Variants in IQCJ observed in about 807,000 individuals in gnomAD.
IQCJ encodes IQ motif containing J, also known as IQ domain-containing protein J.
In IQCJ, 9 loss-of-function variants were observed where a neutral mutation model predicts 11.0. That is an observed-to-expected ratio of 0.82 (90% CI 0.49 to 1.43). The LOEUF is 1.43. Among genes scored for constraint, IQCJ ranks in the 40% most tolerant of loss-of-function variants. The pLI is 0.00. For missense variants in IQCJ, 146 were observed against 133.2 expected, an observed-to-expected ratio of 1.10 and a Z score of -0.47; for synonymous variants, 55 against 51.3, an observed-to-expected ratio of 1.07 and a Z score of -0.31.
At chr3:159,249,501 C>A (rs1025561391) in intron 2 of IQCJ, among the ~76,000 whole-genome samples, 1 of 152,112 alleles carries the variant, frequency 6.6e-6, no homozygotes, top group Non-Finnish European at 1.5e-5. Context: ...TCATGCTTGT[C>A]CAGGACAGAG....
At chr3:159,069,650 A>G (rs1021475209) in intron 1 of IQCJ, 5 of 650,822 alleles carry the variant, frequency 7.7e-6, no homozygotes, top group East Asian at 2.8e-5. Context: ...TGTATTATTT[A>G]TGTATACATG....
chr3:159,110,355 C>G (rs1718548268), intron 1 of IQCJ, among the ~76,000 whole-genome samples: 1 of 152,226 alleles, frequency 6.6e-6, no homozygotes, highest in Non-Finnish European at 1.5e-5. Context: ...TGATTATCAT[C>G]AGCATCATCA....
chr3:159,082,197 T>C (rs899754103), intron 1 of IQCJ, among the ~76,000 whole-genome samples: 2 of 152,136 alleles, frequency 1.3e-5, no homozygotes, highest in African/African-American at 4.8e-5. Flanking sequence ...TTAGAAAAAG[T>C]ATCTATAATA....
chr3:159,110,509 A>G (rs555511373), intron 1 of IQCJ, among the ~76,000 whole-genome samples: 1 of 152,244 alleles, frequency 6.6e-6, no homozygotes, highest in East Asian at 1.9e-4. Flanking sequence ...TGTCCAACCC[A>G]GACACAATGA....
intron 1 of IQCJ, among the ~76,000 whole-genome samples, chr3:159,239,228 T>C (rs79848969): frequency 0.033 from 5,047 of 152,272 alleles, 260 homozygotes; most frequent in African/African-American, 0.12. Context: ...AATAACCAAA[T>C]GATGAAATCA....
chr3:159,238,798 T>C (rs911108031), intron 1 of IQCJ, among the ~76,000 whole-genome samples: 7 of 152,148 alleles, frequency 4.6e-5, no homozygotes, highest in South Asian at 2.1e-4. Flanking sequence ...ACGTGAGTTC[T>C]GGGATTTTGT....
At chr3:159,129,451 T>C (rs1015538805) in intron 1 of IQCJ, among the ~76,000 whole-genome samples, 5 of 152,182 alleles carry the variant, frequency 3.3e-5, no homozygotes, top group African/African-American at 4.8e-5. Context: ...TCTAAGCTTG[T>C]GGCACAAGTT....
chr3:159,236,286 A>AG (rs1726585532), intron 1 of IQCJ, among the ~76,000 whole-genome samples: 1 of 150,684 alleles, frequency 6.6e-6, no homozygotes, highest in Non-Finnish European at 1.5e-5. Context: ...AAAAAAAAAA[A>AG]CCAAGGAATT....
chr3:159,220,709 T>A (rs911185468), intron 1 of IQCJ, among the ~76,000 whole-genome samples: 2 of 152,172 alleles, frequency 1.3e-5, no homozygotes, highest in Non-Finnish European at 2.9e-5. Context: ...TACCACACCC[T>A]AATGGAGGAT....
chr3:159,256,890 T>C (rs946570544), intron 3 of IQCJ, among the ~76,000 whole-genome samples: 2 of 152,214 alleles, frequency 1.3e-5, no homozygotes, highest in Non-Finnish European at 2.9e-5. Context: ...TTGTCAAGTT[T>C]GGGCTAAGTA....
At chr3:159,109,708 CTG>C (rs1334440006) in intron 1 of IQCJ, among the ~76,000 whole-genome samples, 1 of 151,896 alleles carries the variant, frequency 6.6e-6, no homozygotes, top group East Asian at 1.9e-4. Flanking sequence ...TCAAATGCCT[CTG>C]TGTGTGTTGT....
rs556486515 is a variant in IQCJ at position 159,151,846 on chromosome 3, A to AG, written c.9+82406dup. On this transcript the variant is annotated intron_variant, in intron 1 of 3. Coordinates refer to ENST00000397832, the MANE Select transcript of IQCJ (RefSeq NM_001042706.3). The stretch of plus-strand genomic sequence containing the variant: ...GAGACGGGGTTTCACTGTGTTAGCC[A>AG]GATGGTCTCAATCTCCCAACCTCGT... 1.5e-3 allele frequency among the ~76,000 whole-genome samples: 226 copies of AG among 152,330 alleles called. 2 individuals are homozygous for AG. The highest frequency in any genetic ancestry group is 3.6e-3 in the African/African-American group (151 of 41,586).
intron 1 of IQCJ, among the ~76,000 whole-genome samples, chr3:159,223,760 C>T (rs994257942): frequency 6.6e-6 from 1 of 152,070 alleles, no homozygotes; most frequent in African/African-American, 2.4e-5. Context: ...TCAAAACTTC[C>T]TGAGCACCAA....
chr3:159,103,898 T>C (rs895198647), intron 1 of IQCJ, among the ~76,000 whole-genome samples: 15 of 152,274 alleles, frequency 9.9e-5, no homozygotes, highest in African/African-American at 3.1e-4. Flanking sequence ...AAATACTGCA[T>C]TGGTTTAATT....
chr3:159,120,867 C>T (rs570479444), intron 1 of IQCJ, among the ~76,000 whole-genome samples: 1 of 152,326 alleles, frequency 6.6e-6, no homozygotes, highest in East Asian at 1.9e-4. Context: ...TTCTAGCTCC[C>T]TTTTCATTGT....
intron 1 of IQCJ, among the ~76,000 whole-genome samples, chr3:159,200,050 A>G (rs1724224257): frequency 7.3e-6 from 1 of 137,002 alleles, no homozygotes; most frequent in Non-Finnish European, 1.5e-5. Flanking sequence ...ATATATATAA[A>G]TCTAAATTAT....
At chr3:159,265,443 G>A (rs760791968), downstream of IQCJ, 6 of 1,490,848 alleles carry the variant, frequency 4.0e-6, no homozygotes, top group African/African-American at 6.9e-5. Context: ...ATGATCCCTG[G>A]CCTACACTGA....
At chr3:159,165,458 C>T (rs1722110671) in intron 1 of IQCJ, among the ~76,000 whole-genome samples, 2 of 152,250 alleles carry the variant, frequency 1.3e-5, no homozygotes, top group South Asian at 4.1e-4. Context: ...TGGTTTATCC[C>T]TCAGATTATA....
intron 1 of IQCJ, among the ~76,000 whole-genome samples, chr3:159,174,278 T>G (rs1415529219): frequency 6.6e-6 from 1 of 152,168 alleles, no homozygotes; most frequent in Non-Finnish European, 1.5e-5. Flanking sequence ...CTCAAATATT[T>G]CTCTGCCCTT....
Sources: allele counts gnomAD v4.1 joint callset (sites outside exome capture counted in the v4.1 genomes callset), GRCh38; gene constraint gnomAD v4.1.1; transcripts MANE v1.5; gene names NCBI Gene and HGNC (gene_info 2026-07-23, HGNC 2026-07-21).